SDK2: variants seen among roughly 807,000 people sequenced by gnomAD.
The protein encoded by SDK2 is protein sidekick-2.
Under a neutral mutation model 253.9 loss-of-function variants are expected in SDK2, and 105 were observed. That is an observed-to-expected ratio of 0.41 (90% CI 0.35 to 0.49). The LOEUF (loss-of-function observed/expected upper bound fraction) is 0.49, where lower values mean the gene tolerates loss of function less well. Among genes scored for constraint, SDK2 ranks in the 20% least tolerant of loss-of-function variants. The pLI, the probability that SDK2 is intolerant of heterozygous loss-of-function variation, is 0.06. For synonymous variants in SDK2, 1,249 were observed against 1,234.9 expected (o/e 1.01, Z -0.24); for missense variants, 2,608 against 3,003.0 (o/e 0.87, Z 3.07).
At position 73,435,758 on chromosome 17, in the gene SDK2, C is replaced by G; in HGVS notation, c.1001-114G>C. On this transcript the variant is annotated intron_variant, in intron 8 of 44. Coordinates refer to ENST00000392650, the MANE Select transcript of SDK2 (RefSeq NM_001144952.2). The surrounding 1 kb of genome is among the most constrained non-coding windows in gnomAD (Gnocchi z 5.7). The stretch of plus-strand genomic sequence containing the variant: ...ATCTGCGAGGGGGTCCCTGGTGAAT[C>G]TTGGTGTCTAGAACCTTCTCAGAGG... 1 of 968,008 alleles carries G rather than the reference C, an allele frequency of 1.0e-6. No homozygotes were observed. The highest frequency in any genetic ancestry group is 3.2e-4 in the Middle Eastern group (1 of 3,110). The allele number at this position is 968,008 out of a possible 1,614,324, so 60.0% of individuals were successfully genotyped here.
intron 36 of SDK2, among the ~76,000 whole-genome samples, chr17:73,375,298 G>A (rs1021260264): frequency 8.3e-6 from 1 of 120,094 alleles, no homozygotes; most frequent in Non-Finnish European, 1.6e-5. Flanking sequence ...CTGGAGTGCA[G>A]TGGTGCAACA....
In SDK2 at chr17:73,447,490, C is replaced by A; in HGVS notation, c.613+125G>T. The A allele has an allele frequency of 7.2e-7, 1 of 1,380,552 alleles. No individual in the cohort carries two copies. The highest frequency in any genetic ancestry group is 2.5e-5 in the East Asian group (1 of 39,794). The allele number at this position is 1,380,552 out of a possible 1,614,324, so 85.5% of individuals were successfully genotyped here. On this transcript the variant is annotated intron_variant, in intron 5 of 44. Coordinates refer to ENST00000392650, the MANE Select transcript of SDK2 (RefSeq NM_001144952.2). This position sits in a 1 kb window ranked among gnomAD's most constrained non-coding sequence, Gnocchi z 4.0. ...TCGTCCTCCTTGGGAAGGCTCCCCC[C>A]GGCCGTCCCCTAGCTTCCCTGTCCC...
At position 73,364,201 on chromosome 17, in the gene SDK2, G is replaced by A. The variant is rs151024677; in HGVS notation, c.5305+1057C>T. Among the ~76,000 whole-genome samples, 505 of 152,264 alleles carry A rather than the reference G, an allele frequency of 3.3e-3. 5 individuals carry two copies. Among genetic ancestry groups the A allele is most frequent in the African/African-American group, 0.012 (478 of 41,552 alleles). ...ATAGGATGGTTGTTCATAACAAAATGGCAGGGATTTCTTGGCATGTTACCA... is the reference window on the plus strand; with the variant it reads ...ATAGGATGGTTGTTCATAACAAAATAGCAGGGATTTCTTGGCATGTTACCA... On this transcript the variant is annotated intron_variant, in intron 38 of 44. Coordinates refer to ENST00000392650, the MANE Select transcript of SDK2 (RefSeq NM_001144952.2).
intron 1 of SDK2, among the ~76,000 whole-genome samples, chr17:73,528,813 G>GCGTCCCCTGGC (rs1318852916): frequency 2.6e-5 from 4 of 152,192 alleles, no homozygotes; most frequent in Non-Finnish European, 5.9e-5. Flanking sequence ...GGTGAGAGGA[G>GCGTCCCCTGGC]CGTCCCCTGG....
intron 1 of SDK2, among the ~76,000 whole-genome samples, chr17:73,530,403 C>G (rs1313312674): frequency 6.6e-6 from 1 of 152,076 alleles, no homozygotes; most frequent in Non-Finnish European, 1.5e-5. Flanking sequence ...ATGAGAACTC[C>G]CTCACTATCA....
intron 1 of SDK2, among the ~76,000 whole-genome samples, chr17:73,515,796 A>G (rs1049434681): frequency 3.3e-5 from 5 of 152,212 alleles, no homozygotes; most frequent in African/African-American, 1.2e-4. Flanking sequence ...TCCCATTTCC[A>G]TGCTAACTAG....
chr17:73,517,668 T>C (rs1319680626), intron 1 of SDK2: 1 of 152,212 alleles, frequency 6.6e-6, no homozygotes, highest in Non-Finnish European at 1.5e-5. Flanking sequence ...CAGCTTATAG[T>C]GCTTTGTCAT....
At chr17:73,576,931 TG>T (rs2045465277) in intron 1 of SDK2, among the ~76,000 whole-genome samples, 1 of 152,190 alleles carries the variant, frequency 6.6e-6, no homozygotes, top group African/African-American at 2.4e-5. Flanking sequence ...CAGGATGCCA[TG>T]GGAATCGCCA....
At position 73,431,397 on chromosome 17, in the gene SDK2, G is replaced by C. The variant is rs1599559641; in HGVS notation, c.1480+105C>G. The C allele has an allele frequency of 1.8e-6, 2 of 1,104,418 alleles. No individual in the cohort carries two copies. The highest frequency in any genetic ancestry group is 3.2e-5 in the African/African-American group (2 of 62,712). 68.4% of individuals were successfully genotyped at this position (1,104,418 alleles called of 1,614,324 possible). ...GACAGACACTGGGGATGGAGACACTGGTGGTATGAGCCTGTGCCCCGTAGC... is the reference window on the plus strand; with the variant it reads ...GACAGACACTGGGGATGGAGACACTCGTGGTATGAGCCTGTGCCCCGTAGC... On this transcript the variant is annotated intron_variant, in intron 11 of 44. Coordinates refer to ENST00000392650, the MANE Select transcript of SDK2 (RefSeq NM_001144952.2). This position sits in a 1 kb window ranked among gnomAD's most constrained non-coding sequence, Gnocchi z 5.6.
At chr17:73,513,882 C>G (rs1398720496) in intron 1 of SDK2, 3 of 152,160 alleles carry the variant, frequency 2.0e-5, no homozygotes, top group Admixed American at 2.0e-4. Context: ...TTTTCTTCTT[C>G]AAGTATAAAA....
chr17:73,360,229 T>A (rs534342111), intron 39 of SDK2, among the ~76,000 whole-genome samples: 2 of 152,364 alleles, frequency 1.3e-5, no homozygotes, highest in Middle Eastern at 3.4e-3. Flanking sequence ...GCTCCTGGGC[T>A]GCCTCCTGCA....
At chr17:73,428,394 G>C (rs1363058944) in intron 12 of SDK2, among the ~76,000 whole-genome samples, 1 of 152,062 alleles carries the variant, frequency 6.6e-6, no homozygotes, top group Non-Finnish European at 1.5e-5. Context: ...TATTTTGGAG[G>C]TTTTCATGCT....
intron 37 of SDK2, among the ~76,000 whole-genome samples, chr17:73,368,076 A>G (rs959409949): frequency 8.5e-5 from 13 of 152,132 alleles, no homozygotes; most frequent in African/African-American, 3.1e-4. Flanking sequence ...GACAGAGGGA[A>G]GGCAGGTGGG....
intron 38 of SDK2, among the ~76,000 whole-genome samples, chr17:73,363,624 T>A (rs1293382166): frequency 6.6e-6 from 1 of 152,148 alleles, no homozygotes; most frequent in African/African-American, 2.4e-5. Context: ...AGGCGGGGCC[T>A]TGTCTTGCTG....
At chr17:73,594,624 C>T (rs1341530581) in intron 1 of SDK2, among the ~76,000 whole-genome samples, 1 of 152,088 alleles carries the variant, frequency 6.6e-6, no homozygotes, top group Non-Finnish European at 1.5e-5. Flanking sequence ...CATACAAATA[C>T]ACACAGAACA....
intron 1 of SDK2, among the ~76,000 whole-genome samples, chr17:73,554,983 C>A (rs1430540078): frequency 1.3e-5 from 2 of 152,220 alleles, no homozygotes; most frequent in African/African-American, 4.8e-5. Context: ...TCAGGCAGGG[C>A]CTTGGTGCCC....
Position 73,467,610 on chromosome 17 carries a change from G to A in SDK2, c.331+4502C>T, listed in dbSNP as rs1238334741. On this transcript the variant is annotated intron_variant, in intron 3 of 44. Coordinates refer to ENST00000392650, the MANE Select transcript of SDK2 (RefSeq NM_001144952.2). The surrounding 1 kb of genome is among the most constrained non-coding windows in gnomAD (Gnocchi z 4.1). ...GCTAGAGAGGGAGGCCCCCTGGGAT[G>A]AGGCCAGTGTGTCCAGCAAGGGCAT... Among the ~76,000 whole-genome samples the A allele has an allele frequency of 2.0e-5, 3 of 152,206 alleles. No individual in the cohort carries two copies. Among genetic ancestry groups the A allele is most frequent in the Non-Finnish European group, 4.4e-5 (3 of 68,016 alleles).
At chr17:73,497,866 T>G (rs1022135406) in intron 2 of SDK2, among the ~76,000 whole-genome samples, 1 of 152,218 alleles carries the variant, frequency 6.6e-6, no homozygotes, top group East Asian at 1.9e-4. Context: ...ACGCCCCTAC[T>G]TGATCTCGCC....
At chr17:73,613,777 C>T (rs1166443418) in intron 1 of SDK2, among the ~76,000 whole-genome samples, 2 of 152,016 alleles carry the variant, frequency 1.3e-5, no homozygotes, top group South Asian at 2.1e-4. Context: ...AGCCAAGCCC[C>T]CTGCGATGAG....
Sources: allele counts gnomAD v4.1 joint callset (sites outside exome capture counted in the v4.1 genomes callset), GRCh38; gene constraint gnomAD v4.1.1; non-coding constraint Gnocchi (gnomAD v3.1); transcripts MANE v1.5; gene names NCBI Gene and HGNC (gene_info 2026-07-23, HGNC 2026-07-21).